The following CCNY variants were observed in gnomAD, a reference collection of about 807,000 sequenced individuals.
CCNY encodes cyclin-Y.
In CCNY, 19 loss-of-function variants were observed where a neutral mutation model predicts 42.8. The ratio of observed to expected loss-of-function variants is 0.44; its 90% CI spans 0.31 to 0.65. The LOEUF (loss-of-function observed/expected upper bound fraction) is 0.65, where lower values mean the gene tolerates loss of function less well. Among genes scored for constraint, CCNY ranks in the 30% least tolerant of loss-of-function variants. The pLI is 0.07. For synonymous variants in CCNY, 165 were observed against 162.7 expected (o/e 1.01, Z -0.11); for missense variants, 370 against 437.3 (o/e 0.85, Z 1.37).
intron 3 of CCNY, among the ~76,000 whole-genome samples, chr10:35,310,684 C>T (rs955155110): frequency 6.6e-6 from 1 of 152,152 alleles, no homozygotes; most frequent in Non-Finnish European, 1.5e-5. Context: ...AACTGTTGGT[C>T]ATTTGTGTGT....
intron 1 of CCNY, among the ~76,000 whole-genome samples, chr10:35,419,287 G>T (rs555806214): frequency 3.3e-5 from 5 of 152,148 alleles, no homozygotes; most frequent in Non-Finnish European, 7.3e-5. Flanking sequence ...CTCTAATGTG[G>T]TTTGATGTGA....
chr10:35,475,453 T>C (rs934237787), intron 1 of CCNY, among the ~76,000 whole-genome samples: 38 of 151,972 alleles, frequency 2.5e-4, no homozygotes, highest in African/African-American at 8.4e-4. Context: ...GCAGAAACCC[T>C]ACAAGCCAGA....
chr10:35,489,702 G>A (rs1839860280), intron 2 of CCNY, among the ~76,000 whole-genome samples: 1 of 152,006 alleles, frequency 6.6e-6, no homozygotes, highest in Admixed American at 6.5e-5. Context: ...CAAGGGATTT[G>A]TCAGCCAAAA....
At chr10:35,518,217 C>T (rs1295906925) in intron 4 of CCNY, among the ~76,000 whole-genome samples, 2 of 152,214 alleles carry the variant, frequency 1.3e-5, no homozygotes, top group Non-Finnish European at 2.9e-5. Context: ...GATAGTTCAT[C>T]GGTCAACTCT....
Position 35,502,212 on chromosome 10 carries a change from G to A in CCNY, c.264+677G>A, listed in dbSNP as rs148888104. Among the ~76,000 whole-genome samples, 570 of 152,240 alleles carry A rather than the reference G, an allele frequency of 3.7e-3. 6 individuals carry two copies. The highest frequency in any genetic ancestry group is 0.013 in the African/African-American group (557 of 41,542). ...ACTCCACACCCTATATACCAGGCAA[G>A]TCCTAGCCACACCTTCTTCTTAGAA... On this transcript the variant is annotated intron_variant, in intron 3 of 9. Coordinates refer to ENST00000374704, the MANE Select transcript of CCNY (RefSeq NM_145012.6).
intron 2 of CCNY, among the ~76,000 whole-genome samples, chr10:35,495,274 T>G (rs1473269548): frequency 6.6e-6 from 1 of 152,238 alleles, no homozygotes; most frequent in Non-Finnish European, 1.5e-5. Flanking sequence ...AAGCATGCAT[T>G]TCTTTTCTGA....
chr10:35,496,713 CTT>C (rs1420211861), intron 2 of CCNY, among the ~76,000 whole-genome samples: 1 of 152,140 alleles, frequency 6.6e-6, no homozygotes, highest in African/African-American at 2.4e-5. Context: ...CCAAGGTAAT[CTT>C]TTAAATGCCT....
intron 1 of CCNY, among the ~76,000 whole-genome samples, chr10:35,439,361 T>G (rs958583517): frequency 6.6e-6 from 1 of 152,208 alleles, no homozygotes; most frequent in Non-Finnish European, 1.5e-5. Context: ...TTGTTCCATC[T>G]TTCAGTTCAC....
At chr10:35,380,951 T>C (rs1175366272) in intron 1 of CCNY, among the ~76,000 whole-genome samples, 1 of 152,200 alleles carries the variant, frequency 6.6e-6, no homozygotes, top group African/African-American at 2.4e-5. Flanking sequence ...CTTTCTGGGC[T>C]TGAAGCGTCC....
At chr10:35,343,112 C>T (rs950919703) in intron 1 of CCNY, among the ~76,000 whole-genome samples, 1 of 150,842 alleles carries the variant, frequency 6.6e-6, no homozygotes, top group Non-Finnish European at 1.5e-5. Context: ...AAGTAATTCT[C>T]CTGCCTCAGC....
chr10:35,396,278 C>G (rs1460544289), intron 1 of CCNY, among the ~76,000 whole-genome samples: 1 of 152,202 alleles, frequency 6.6e-6, no homozygotes, highest in East Asian at 1.9e-4. Flanking sequence ...TAAAAGCTTT[C>G]TCTCAACAGG....
At chr10:35,407,179 G>A (rs1322443248) in intron 1 of CCNY, among the ~76,000 whole-genome samples, 1 of 152,154 alleles carries the variant, frequency 6.6e-6, no homozygotes, top group African/African-American at 2.4e-5. Flanking sequence ...AAATTGTTGG[G>A]CAGGTCGGGG....
Position 35,501,548 on chromosome 10 carries a change from G to C in CCNY, c.264+13G>C, listed in dbSNP as rs779550725. On this transcript the variant is annotated intron_variant, in intron 3 of 9. Coordinates refer to ENST00000374704, the MANE Select transcript of CCNY (RefSeq NM_145012.6). ...CTTCATTAACCATGTAAGTGAAGCTGTCTCCCTGTGTTCTTCATAATGACT... is the reference window on the plus strand; with the variant it reads ...CTTCATTAACCATGTAAGTGAAGCTCTCTCCCTGTGTTCTTCATAATGACT... The C allele has an allele frequency of 1.9e-6, 3 of 1,610,392 alleles. No homozygotes were observed. Among genetic ancestry groups the C allele is most frequent in the East Asian group, 4.5e-5 (2 of 44,856 alleles).
chr10:35,304,402 C>T lies in CCNY; in HGVS notation c.-9+53776C>T, dbSNP rs1341188237. On this transcript the variant is annotated intron_variant, in intron 3 of 11. Coordinates refer to the CCNY transcript ENST00000374706. ...TCGGCTCACTGCAAGCTCCGCCTCC[C>T]GGGTTCACGCCATTCTCCTGCCTCA... Among the ~76,000 whole-genome samples the T allele has an allele frequency of 9.4e-5, 7 of 74,150 alleles. 1 individual carries two copies. Among genetic ancestry groups the T allele is most frequent in the African/African-American group, 1.5e-4 (2 of 13,124 alleles). 48.6% of individuals were successfully genotyped at this position (74,150 alleles called of 152,430 possible).
intron 2 of CCNY, among the ~76,000 whole-genome samples, chr10:35,484,126 A>G (rs949694574): frequency 1.1e-4 from 17 of 152,312 alleles, no homozygotes; most frequent in African/African-American, 3.9e-4. Flanking sequence ...GCAAACACAC[A>G]TCTTCATTGG....
intron 1 of CCNY, among the ~76,000 whole-genome samples, chr10:35,355,635 G>A (rs748944093): frequency 2.6e-5 from 3 of 115,034 alleles, no homozygotes; most frequent in East Asian, 3.0e-4. Flanking sequence ...CCAATATTGC[G>A]CCATTGCACT....
chr10:35,477,267 A>C (rs1447964880), intron 1 of CCNY, among the ~76,000 whole-genome samples: 2 of 152,130 alleles, frequency 1.3e-5, no homozygotes, highest in Non-Finnish European at 2.9e-5. Flanking sequence ...AAAAGAGGGA[A>C]TCCTCCCTAA....
intron 1 of CCNY, among the ~76,000 whole-genome samples, chr10:35,400,603 G>A (rs1837622019): frequency 6.6e-6 from 1 of 152,186 alleles, no homozygotes; most frequent in African/African-American, 2.4e-5. Context: ...AGAATTATCA[G>A]TAGCTGTTTC....
At chr10:35,492,688 A>T (rs1410854912) in intron 2 of CCNY, among the ~76,000 whole-genome samples, 2 of 152,252 alleles carry the variant, frequency 1.3e-5, no homozygotes, top group Non-Finnish European at 2.9e-5. Flanking sequence ...GAAACTCACA[A>T]GCATAGGGGA....
Sources: gnomAD v4.1 joint callset for allele counts (sites outside exome capture counted in the v4.1 genomes callset) on GRCh38, gnomAD v4.1.1 for gene constraint, MANE v1.5 for transcripts, NCBI Gene and HGNC (gene_info 2026-07-23, HGNC 2026-07-21) for gene names.